The following SRFBP1 variants were observed in gnomAD, a reference collection of about 807,000 sequenced individuals.
SRFBP1 encodes serum response factor-binding protein 1.
In SRFBP1, 47 loss-of-function variants were observed where a neutral mutation model predicts 45.5. The ratio of observed to expected loss-of-function variants is 1.03; its 90% CI spans 0.82 to 1.32. The LOEUF (loss-of-function observed/expected upper bound fraction) is 1.32. SRFBP1 is among the 40% of genes most tolerant of loss of function. The probability of loss-of-function intolerance (pLI) is 0.00; values close to 1 mark genes in which losing one functional copy is unlikely to be tolerated. For synonymous variants in SRFBP1, 203 were observed against 166.3 expected (o/e 1.22, Z -1.70); for missense variants, 621 against 484.6 (o/e 1.28, Z -2.64).
At chr5:121,973,612 GT>G (rs1272801077) in intron 1 of SRFBP1, among the ~76,000 whole-genome samples, 10 of 144,134 alleles carry the variant, frequency 6.9e-5, no homozygotes, top group African/African-American at 1.8e-4. Flanking sequence ...GTGCATGTGT[GT>G]GTGGGGGGGG....
chr5:122,018,168 A>G (rs1002486795), intron 4 of SRFBP1, among the ~76,000 whole-genome samples: 1 of 152,276 alleles, frequency 6.6e-6, no homozygotes, highest in Non-Finnish European at 1.5e-5. Flanking sequence ...GCTAAGCATC[A>G]GAAAGCAATA....
chr5:122,016,559 T>C (rs1753197783), intron 4 of SRFBP1, among the ~76,000 whole-genome samples: 1 of 152,186 alleles, frequency 6.6e-6, no homozygotes, highest in Non-Finnish European at 1.5e-5. Flanking sequence ...GTGACTATTT[T>C]CATATATTGT....
chr5:122,077,339 A>C (rs1392167616), downstream of SRFBP1: 24 of 1,613,386 alleles, frequency 1.5e-5, no homozygotes, highest in Non-Finnish European at 2.0e-5. The surrounding 1 kb of genome is among the most constrained non-coding windows in gnomAD (Gnocchi z 4.9). Flanking sequence ...CTTCCAGCGG[A>C]CTTGGGGGTA....
chr5:122,045,064 A>G (rs1194749855), intron 2 of SRFBP1, among the ~76,000 whole-genome samples: 1 of 152,084 alleles, frequency 6.6e-6, no homozygotes. Context: ...TCCAATTTCA[A>G]TCTTCTGCAT....
chr5:122,071,643 T>TTAA (rs1754456014), intron 2 of SRFBP1, among the ~76,000 whole-genome samples: 2 of 152,196 alleles, frequency 1.3e-5, no homozygotes, highest in South Asian at 4.1e-4. Flanking sequence ...TTCCATTAGT[T>TTAA]CTTCACAAAA....
At chr5:122,040,352 C>A (rs998310989) in intron 2 of SRFBP1, among the ~76,000 whole-genome samples, 1 of 152,140 alleles carries the variant, frequency 6.6e-6, no homozygotes, top group Non-Finnish European at 1.5e-5. Context: ...ATTAAGTAGC[C>A]TTAAGCTGAA....
intron 1 of SRFBP1, among the ~76,000 whole-genome samples, chr5:121,970,795 G>A (rs937393749): frequency 6.6e-6 from 1 of 152,020 alleles, no homozygotes; most frequent in Admixed American, 6.6e-5. Context: ...ACTATGTTAG[G>A]TGTTAAGATG....
chr5:121,996,071 T>G (rs1752720274), intron 4 of SRFBP1, among the ~76,000 whole-genome samples: 1 of 150,632 alleles, frequency 6.6e-6, no homozygotes, highest in Admixed American at 6.6e-5. Context: ...CACAGCCGAA[T>G]TCTACCAGAG....
intron 2 of SRFBP1, among the ~76,000 whole-genome samples, chr5:122,055,182 T>A (rs556016971): frequency 1.3e-5 from 2 of 152,318 alleles, no homozygotes; most frequent in African/African-American, 4.8e-5. Context: ...GGCCCAGTCC[T>A]CACTCATGAT....
At chr5:122,046,343 A>G (rs1753858706) in intron 2 of SRFBP1, among the ~76,000 whole-genome samples, 1 of 152,064 alleles carries the variant, frequency 6.6e-6, no homozygotes, top group Non-Finnish European at 1.5e-5. Context: ...GATGGTTTCT[A>G]GCTTCATCCA....
At chr5:122,070,228 T>G (rs1469138511) in intron 2 of SRFBP1, 54 of 961,130 alleles carry the variant, frequency 5.6e-5, no homozygotes, top group South Asian at 2.0e-4. Context: ...ATAAGGAAAT[T>G]GTTAATGAGG....
intron 2 of SRFBP1, among the ~76,000 whole-genome samples, chr5:122,044,186 C>T (rs1423007848): frequency 6.6e-6 from 1 of 152,134 alleles, no homozygotes; most frequent in Non-Finnish European, 1.5e-5. Context: ...AGGACTTGAT[C>T]TCATTTTCTT....
chr5:122,033,608 C>T (rs1403672643), downstream of SRFBP1, among the ~76,000 whole-genome samples: 1 of 151,362 alleles, frequency 6.6e-6, no homozygotes, highest in Non-Finnish European at 1.5e-5. Flanking sequence ...ATTACAGGCA[C>T]CTGTCACCAC....
At chr5:122,050,077 C>T (rs1753942820) in intron 2 of SRFBP1, among the ~76,000 whole-genome samples, 1 of 152,174 alleles carries the variant, frequency 6.6e-6, no homozygotes, top group Non-Finnish European at 1.5e-5. Flanking sequence ...ACCAATCTTG[C>T]ATCCCAGGGA....
chr5:121,976,900 C>T (rs1486048031), intron 3 of SRFBP1, among the ~76,000 whole-genome samples: 5 of 151,208 alleles, frequency 3.3e-5, no homozygotes, highest in Non-Finnish European at 7.4e-5. Context: ...TACACACACA[C>T]TACATTCTTT....
chr5:122,050,598 T>G lies in SRFBP1; in HGVS notation n.312-24717T>G, dbSNP rs183266504. Among the ~76,000 whole-genome samples, 157 of 152,216 alleles carry G rather than the reference T, an allele frequency of 1.0e-3. 2 individuals are homozygous for G. The highest frequency in any genetic ancestry group is 3.7e-3 in the African/African-American group (155 of 41,566). ...GTTTGTATTTCTGTGGGGTCAGTGG[T>G]AAAGTCCTCTTTGTTGTTTCTAATT... On this transcript the variant is annotated intron_variant and non_coding_transcript_variant, in intron 2 of 2. Transcript: ENST00000504881.
intron 2 of SRFBP1, among the ~76,000 whole-genome samples, chr5:122,041,103 C>T (rs947569547): frequency 6.6e-6 from 1 of 152,052 alleles, no homozygotes; most frequent in Non-Finnish European, 1.5e-5. Context: ...ATCAATGACT[C>T]ATATGGTTGA....
intron 2 of SRFBP1, among the ~76,000 whole-genome samples, chr5:122,038,298 G>A (rs1753723109): frequency 6.6e-6 from 1 of 152,150 alleles, no homozygotes; most frequent in South Asian, 2.1e-4. Context: ...AAAATATAGG[G>A]TCTGGCACAG....
downstream of SRFBP1, among the ~76,000 whole-genome samples, chr5:122,031,643 C>T (rs1195829190): frequency 6.6e-6 from 1 of 152,100 alleles, no homozygotes; most frequent in Non-Finnish European, 1.5e-5. Flanking sequence ...CCATAATTTT[C>T]ACCCATAGCC....
Sources: allele counts gnomAD v4.1 joint callset (sites outside exome capture counted in the v4.1 genomes callset), GRCh38; gene constraint gnomAD v4.1.1; non-coding constraint Gnocchi (gnomAD v3.1); transcripts MANE v1.5; gene names NCBI Gene and HGNC (gene_info 2026-07-23, HGNC 2026-07-21).